The following BRWD1 variants were observed in gnomAD, a reference collection of about 807,000 sequenced individuals.
BRWD1 encodes bromodomain and WD repeat domain containing 1.
A neutral mutation model predicts 251.2 loss-of-function variants in BRWD1; 82 were observed. The ratio of observed to expected loss-of-function variants is 0.33; its 90% confidence interval spans 0.27 to 0.39. The LOEUF (loss-of-function observed/expected upper bound fraction) is 0.39. BRWD1 is among the 10% of genes least tolerant of loss of function. The pLI is 1.00. For synonymous variants in BRWD1, 918 were observed against 902.8 expected (o/e 1.02, Z -0.30); for missense variants, 2,233 against 2,711.6 (o/e 0.82, Z 3.92).
intron 32 of BRWD1, among the ~76,000 whole-genome samples, chr21:39,214,288 A>G (rs569340642): frequency 6.6e-6 from 1 of 152,230 alleles, no homozygotes; most frequent in Non-Finnish European, 1.5e-5. Flanking sequence ...TTGATTCTGA[A>G]TACTTCTGAA....
At position 39,190,639 on chromosome 21, in the gene BRWD1, A is replaced by G. The variant is rs1342355496; in HGVS notation, c.*5620T>C. On this transcript the variant is annotated 3_prime_UTR_variant, in exon 41 of 41. Transcript: ENST00000342449. ...AATGACCCCAAAACTCAGAAAGCAA[A>G]TAACATTTATCAATGATCTTCATCC... 9.1e-6 allele frequency: 9 copies of G among 985,292 alleles called. No individual in the cohort carries two copies. In the Admixed American group the frequency reaches 3.7e-4, roughly 40 times the overall value. 61.0% of individuals were successfully genotyped at this position (985,292 alleles called of 1,614,324 possible).
chr21:39,196,264 A>T lies in BRWD1; in HGVS notation c.6805T>A (p.Leu2269Ile). 6.3e-7 allele frequency: 1 copy of T among 1,587,418 alleles called. No individual in the cohort carries two copies. Among genetic ancestry groups the T allele is most frequent in the South Asian group, 1.2e-5 (1 of 85,216 alleles). ...GAACTGGCTTTCCCTCAAGGTCATA[A>T]GGTGCAACCATTGAAATCTAACACA... ...ENVLDFNGCT[L>I] The change falls in exon 41 of 41, where the codon TTA becomes ATA. Residue 2269 changes from leucine (L) to isoleucine (I), a missense_variant. Leu to Ile is a conservative substitution (Grantham distance 5). This residue lies in a region of BRWD1 where 928 missense variants were observed against 970.0 expected (regional missense o/e 0.96). Transcript: ENST00000342449.
In BRWD1 at chr21:39,206,184, C is replaced by T. The variant is rs1241712528; in HGVS notation, c.4288G>A (p.Glu1430Lys). 1 of 1,613,490 alleles carries T rather than the reference C, an allele frequency of 6.2e-7. No homozygotes were observed. The highest frequency in any genetic ancestry group is 1.7e-5 in the Admixed American group (1 of 59,952). ...AACCTCTGGCTTCTTCGAAGTTTTT[C>T]ATTGAATTTTTGACCAATTTTAAAA... ...SDFKIGQKFN[E>K]KLRRSQRFKQ... The change falls in exon 37 of 41, where the codon GAA becomes AAA. Residue 1430 changes from glutamate (E) to lysine (K), a missense_variant. Physicochemically the swap from Glu to Lys is moderately conservative, Grantham distance 56 (BLOSUM62 1). Coordinates refer to ENST00000342449, the MANE Select transcript of BRWD1 (RefSeq NM_033656.4).
intron 19 of BRWD1, 98 bp from the exon 20 acceptor site, chr21:39,250,987 T>G: frequency 1.4e-6 from 1 of 696,942 alleles, no homozygotes; most frequent in South Asian, 2.1e-5. Flanking sequence ...AATCATAAGT[T>G]TATGTACTTT....
At chr21:39,292,682 T>C (rs995518405) in intron 8 of BRWD1, among the ~76,000 whole-genome samples, 6 of 152,312 alleles carry the variant, frequency 3.9e-5, no homozygotes, top group East Asian at 3.9e-4. Flanking sequence ...CAGGATACAA[T>C]GGGCAACATC....
chr21:39,298,565 A>C lies in BRWD1; in HGVS notation c.216T>G (p.His72Gln). The change falls in exon 5 of 41, where the codon CAT (histidine) becomes CAG (glutamine). Residue 72 changes from histidine to glutamine, a missense_variant. Transcript: ENST00000342449. ...SYEELVLSNK[H>Q]VAPDHLLQIC... ...TTTGCAAAAGATGATCAGGAGCCACATGCTTATTGGACAAGACCTAGTTGG... is the reference window on the plus strand; with the variant it reads ...TTTGCAAAAGATGATCAGGAGCCACCTGCTTATTGGACAAGACCTAGTTGG... 6.3e-7 allele frequency: 1 copy of C among 1,599,764 alleles called. No individual in the cohort carries two copies.
Position 39,298,529 on chromosome 21 carries a change from G to C in BRWD1, c.252C>G (p.Arg84=). ...TTTCTTTATCCAACATAGGACCGATGCGCTGGCAGATTTGCAAAAGATGAT... is the reference window on the plus strand; with the variant it reads ...TTTCTTTATCCAACATAGGACCGATCCGCTGGCAGATTTGCAAAAGATGAT... ...APDHLLQICQ[R]IGPMLDKEIP... The change falls in exon 5 of 41, where the codon CGC becomes CGG. Residue 84 remains arginine (R), a synonymous_variant. Transcript: ENST00000342449. 1 of 1,609,824 alleles carries C rather than the reference G, an allele frequency of 6.2e-7. No individual in the cohort carries two copies. The highest frequency in any genetic ancestry group is 8.5e-7 in the Non-Finnish European group (1 of 1,178,728).
chr21:39,224,340 C>A, intron 29 of BRWD1, 68 bp downstream of exon 29: 2 of 880,706 alleles, frequency 2.3e-6, no homozygotes, highest in South Asian at 1.9e-5. Context: ...TATGTTTGTT[C>A]CATGTGCACT....
In BRWD1 at chr21:39,189,683, T is replaced by C; in HGVS notation, c.*6576A>G. 5 of 982,410 alleles carry C rather than the reference T, an allele frequency of 5.1e-6. No individual in the cohort carries two copies. Among genetic ancestry groups the C allele is most frequent in the Non-Finnish European group, 6.0e-6 (5 of 827,190 alleles). 60.9% of individuals were successfully genotyped at this position (982,410 alleles called of 1,614,324 possible). On this transcript the variant is annotated 3_prime_UTR_variant, in exon 41 of 41. Transcript: ENST00000342449. Reference sequence around the variant, plus strand: ...TGAGGAAGACAAAACTGTGGAGAATTTTTTTAAATACATTCAAGTCAGTGT... The same window carrying C: ...TGAGGAAGACAAAACTGTGGAGAATCTTTTTAAATACATTCAAGTCAGTGT...
downstream of BRWD1, chr21:39,184,347 ATG>A (rs1249680977): frequency 6.6e-6 from 1 of 152,254 alleles, no homozygotes; most frequent in Non-Finnish European, 1.5e-5. Context: ...AATAAGCAGA[ATG>A]TGTGATTGTT....
At chr21:39,198,515 T>C (rs563304651) in intron 40 of BRWD1, among the ~76,000 whole-genome samples, 2 of 152,298 alleles carry the variant, frequency 1.3e-5, no homozygotes, top group East Asian at 3.9e-4. Flanking sequence ...AAATCTTCAA[T>C]AGGCATAGTT....
upstream of BRWD1, among the ~76,000 whole-genome samples, chr21:39,316,817 A>G (rs1302768165): frequency 1.3e-5 from 2 of 152,132 alleles, no homozygotes; most frequent in East Asian, 3.9e-4. Context: ...GTGTACCTGT[A>G]GCCCCAGCTA....
chr21:39,297,846 T>C (rs1601488716), intron 5 of BRWD1: 2 of 965,152 alleles, frequency 2.1e-6, no homozygotes, highest in Non-Finnish European at 2.5e-6. Flanking sequence ...ACATATATTA[T>C]ATCACATACA....
intron 15 of BRWD1, among the ~76,000 whole-genome samples, chr21:39,266,667 C>G (rs1438255806): frequency 1.3e-5 from 2 of 152,206 alleles, no homozygotes; most frequent in Admixed American, 6.5e-5. Context: ...TGGAAGCGTC[C>G]TATACAATGA....
At chr21:39,218,715 T>C (rs932784218) in intron 29 of BRWD1, 55 bp from the exon 30 acceptor site, 23 of 1,372,938 alleles carry the variant, frequency 1.7e-5, no homozygotes, top group Non-Finnish European at 2.2e-5. Context: ...AAAATAAATA[T>C]ATACGGTATT....
intron 6 of BRWD1, 83 bp downstream of exon 6, chr21:39,296,182 A>G: frequency 2.6e-6 from 3 of 1,159,514 alleles, no homozygotes; most frequent in Non-Finnish European, 3.6e-6. Context: ...ATTTCCTTTT[A>G]AATTTTAATA....
intron 29 of BRWD1, among the ~76,000 whole-genome samples, chr21:39,222,375 A>T (rs78330067): frequency 0.038 from 5,782 of 152,292 alleles, 162 homozygotes; most frequent in Non-Finnish European, 0.059. Flanking sequence ...TCTAAATGCC[A>T]TTCTCCAATC....
Position 39,312,910 on chromosome 21 carries a change from C to T in BRWD1, c.139-10G>A, listed in dbSNP as rs767159505. 6.6e-7 allele frequency: 1 copy of T among 1,521,866 alleles called. No homozygotes were observed. Among genetic ancestry groups the T allele is most frequent in the East Asian group, 2.7e-5 (1 of 37,230 alleles). The allele number at this position is 1,521,866 out of a possible 1,614,324, so 94.3% of individuals were successfully genotyped here. ...ATCTCTTCGGCAACAACTGGAAAGA[C>T]ACGAAACGCACACGAGTGACCACCC... On this transcript the variant is annotated splice_polypyrimidine_tract_variant and intron_variant, in intron 3 of 40. Coordinates refer to ENST00000342449, the MANE Select transcript of BRWD1 (RefSeq NM_033656.4).
chr21:39,285,871 C>CAAAAAAA (rs113834787), intron 8 of BRWD1, among the ~76,000 whole-genome samples: 19 of 101,408 alleles, frequency 1.9e-4, no homozygotes, highest in Admixed American at 3.8e-4. Context: ...GCCCAGTCAA[C>CAAAAAAA]AAAAAAAAAA....
Sources: allele counts gnomAD v4.1 joint callset (sites outside exome capture counted in the v4.1 genomes callset), GRCh38; gene constraint gnomAD v4.1.1; regional missense constraint gnomAD v4.1.1; transcripts MANE v1.5; gene names NCBI Gene and HGNC (gene_info 2026-07-23, HGNC 2026-07-21).